The following DEAF1 variants were observed in gnomAD, a reference collection of about 807,000 sequenced individuals.
DEAF1 encodes deformed epidermal autoregulatory factor 1 homolog.
In DEAF1, 53 loss-of-function variants were observed where a neutral mutation model predicts 58.9. That is an observed-to-expected ratio of 0.90 (90% confidence interval 0.72 to 1.13). The LOEUF (loss-of-function observed/expected upper bound fraction) is 1.13, where lower values mean the gene tolerates loss of function less well. Among genes scored for constraint, DEAF1 ranks in the 50% most tolerant of loss-of-function variants. The pLI is 0.00. For missense variants in DEAF1, 685 were observed against 791.4 expected, an observed-to-expected ratio of 0.87 and a Z score of 1.61; for synonymous variants, 385 against 340.4, an observed-to-expected ratio of 1.13 and a Z score of -1.44.
Position 686,967 on chromosome 11 carries a change from TC to T in DEAF1, c.694del (p.Glu232ArgfsTer41). On this transcript the variant is annotated frameshift_variant, in exon 5 of 12. Transcript: ENST00000382409. LOFTEE classifies it high-confidence loss of function. ...AAACTCGGTGGGACTGTACCAGTTCTCCCCCTGCTTGATGCACCGTCCCCGG... is the reference window on the plus strand; with the variant it reads ...AAACTCGGTGGGACTGTACCAGTTCTCCCCTGCTTGATGCACCGTCCCCGG... ...GGRGRCIKQG[E>X]NWYSPTEFEA... 1 of 1,614,070 alleles carries T rather than the reference TC, an allele frequency of 6.2e-7. No individual in the cohort carries two copies. Among genetic ancestry groups the T allele is most frequent in the Non-Finnish European group, 8.5e-7 (1 of 1,180,018 alleles).
chr11:668,732 G>C (rs1391999921), intron 10 of DEAF1, among the ~76,000 whole-genome samples: 1 of 152,234 alleles, frequency 6.6e-6, no homozygotes, highest in Non-Finnish European at 1.5e-5. Flanking sequence ...TGAGGCAAGA[G>C]GATTGCTTGA....
intron 1 of DEAF1, chr11:700,526 CAAAAA>C (rs34654075): frequency 4.4e-6 from 4 of 900,576 alleles, no homozygotes; most frequent in South Asian, 2.8e-5. Context: ...GACCCTGTCT[CAAAAA>C]AAAAAAAAAG....
At chr11:666,110 G>A (rs1859511299) in intron 10 of DEAF1, 1 of 152,172 alleles carries the variant, frequency 6.6e-6, no homozygotes, top group Non-Finnish European at 1.5e-5. Flanking sequence ...GGACTTCCCA[G>A]GAACATCCAG....
intron 11 of DEAF1, among the ~76,000 whole-genome samples, chr11:645,723 T>C (rs1858460605): frequency 6.6e-6 from 1 of 152,166 alleles, no homozygotes; most frequent in Non-Finnish European, 1.5e-5. Context: ...ACAGCTCCTG[T>C]GAGGTCAGCA....
At chr11:697,018 G>C (rs571420298), upstream of DEAF1, among the ~76,000 whole-genome samples, 11 of 151,652 alleles carry the variant, frequency 7.3e-5, no homozygotes, top group African/African-American at 1.4e-4. Context: ...GTGGTGGTGG[G>C]GGGGGTGGGG....
chr11:678,168 C>T (rs1299600170), intron 9 of DEAF1, among the ~76,000 whole-genome samples: 1 of 152,144 alleles, frequency 6.6e-6, no homozygotes, highest in Admixed American at 6.5e-5. Context: ...AAGATTGCGC[C>T]ACTGCACCCC....
chr11:680,302 C>G (rs1027860635), intron 7 of DEAF1, among the ~76,000 whole-genome samples: 1 of 152,200 alleles, frequency 6.6e-6, no homozygotes, highest in Non-Finnish European at 1.5e-5. Context: ...GCACCCACCA[C>G]CCAGGGCCTC....
At chr11:700,724 C>T (rs745935006) in intron 1 of DEAF1, 1 of 1,599,252 alleles carries the variant, frequency 6.3e-7, no homozygotes, top group Non-Finnish European at 8.6e-7. Flanking sequence ...GGACTGTTAA[C>T]ACCGTGAAGA....
intron 10 of DEAF1, among the ~76,000 whole-genome samples, chr11:662,545 C>A (rs1350892429): frequency 6.6e-6 from 1 of 152,130 alleles, no homozygotes; most frequent in Admixed American, 6.5e-5. Flanking sequence ...AGCCCAGGCG[C>A]CCCCCAGGCT....
At chr11:691,380 C>T (rs1860827032) in intron 2 of DEAF1, 121 bp downstream of exon 2, 4 of 915,746 alleles carry the variant, frequency 4.4e-6, no homozygotes, top group Non-Finnish European at 6.9e-6. Context: ...CAGTGCGTCC[C>T]TCCCCAGCTC....
At position 687,979 on chromosome 11, in the gene DEAF1, T is replaced by A; in HGVS notation, c.596A>T (p.Tyr199Phe). Reference sequence around the variant, plus strand: ...GCACCGTACGGGCAGCTCACTGTCGTACACAGAAGGGTCCCAGTTGTATTT... The same window carrying A: ...GCACCGTACGGGCAGCTCACTGTCGAACACAGAAGGGTCCCAGTTGTATTT... ...GTKYNWDPSV[Y>F]DSELPVRCRN... Residue 199 changes from tyrosine (Y) to phenylalanine (F), a missense_variant, in exon 4 of 12, where the codon TAC (tyrosine) becomes TTC (phenylalanine). Physicochemically the swap from Tyr to Phe is conservative, Grantham distance 22. Coordinates refer to ENST00000382409, the MANE Select transcript of DEAF1 (RefSeq NM_021008.4). 6.2e-7 allele frequency: 1 copy of A among 1,614,126 alleles called. No individual in the cohort carries two copies.
chr11:662,651 G>A (rs553423121), intron 10 of DEAF1, among the ~76,000 whole-genome samples: 79 of 152,278 alleles, frequency 5.2e-4, no homozygotes, highest in Middle Eastern at 3.4e-3. Flanking sequence ...CCGAGCCCTC[G>A]TAAGATACCT....
chr11:694,641 G>T, intron 1 of DEAF1, 118 bp downstream of exon 1: 1 of 1,003,038 alleles, frequency 1.0e-6, no homozygotes, highest in Non-Finnish European at 1.3e-6. Context: ...CTGGTCACGT[G>T]GAGCAGGTGT....
chr11:670,592 G>C (rs1451134467), intron 10 of DEAF1, among the ~76,000 whole-genome samples: 1 of 151,374 alleles, frequency 6.6e-6, no homozygotes, highest in Non-Finnish European at 1.5e-5. Context: ...GCACATACCT[G>C]TAATCCCAGC....
chr11:703,594 C>T, intron 1 of DEAF1: 2 of 1,233,264 alleles, frequency 1.6e-6, no homozygotes, highest in East Asian at 3.2e-5. Context: ...CCAGTTTACT[C>T]CGTGGCCAGG....
intron 10 of DEAF1, chr11:674,262 G>C: frequency 6.4e-6 from 3 of 465,990 alleles, no homozygotes; most frequent in Non-Finnish European, 7.9e-6. Context: ...TAGAAAAGGT[G>C]AGTATTCACA....
chr11:693,530 G>C (rs1356667311), intron 1 of DEAF1: 1 of 152,464 alleles, frequency 6.6e-6, no homozygotes, highest in East Asian at 1.9e-4. Flanking sequence ...AACCCGCAAA[G>C]CTCCGTAGGG....
intron 11 of DEAF1, among the ~76,000 whole-genome samples, chr11:649,176 G>A (rs928771225): frequency 6.6e-6 from 1 of 152,016 alleles, no homozygotes; most frequent in Non-Finnish European, 1.5e-5. Flanking sequence ...GCTTGAACCC[G>A]GGAGGCAGAG....
chr11:682,928 G>C (rs1221006485), intron 6 of DEAF1, among the ~76,000 whole-genome samples: 1 of 152,100 alleles, frequency 6.6e-6, no homozygotes, highest in East Asian at 1.9e-4. Context: ...CAAGGAGTGG[G>C]AACCGTTTTC....
Sources: gnomAD v4.1 joint callset for allele counts (sites outside exome capture counted in the v4.1 genomes callset) on GRCh38, gnomAD v4.1.1 for gene constraint, MANE v1.5 for transcripts, NCBI Gene and HGNC (gene_info 2026-07-23, HGNC 2026-07-21) for gene names.